The following SNX10 variants were observed in gnomAD, a reference collection of about 807,000 sequenced individuals.
The protein encoded by SNX10 is sorting nexin-10.
A neutral mutation model predicts 28.5 loss-of-function variants in SNX10; 25 were observed. The ratio of observed to expected loss-of-function variants is 0.88; its 90% confidence interval spans 0.64 to 1.22. The LOEUF (loss-of-function observed/expected upper bound fraction) is 1.22, where lower values mean the gene tolerates loss of function less well. Among genes scored for constraint, SNX10 ranks in the 50% most tolerant of loss-of-function variants. SNX10 has a pLI of 0.00. For missense variants in SNX10, 223 were observed against 242.6 expected, an observed-to-expected ratio of 0.92 and a Z score of 0.54; for synonymous variants, 62 against 81.4, an observed-to-expected ratio of 0.76 and a Z score of 1.28.
intron 1 of SNX10, among the ~76,000 whole-genome samples, chr7:26,310,423 TC>T (rs1379498436): frequency 2.0e-5 from 3 of 152,100 alleles, no homozygotes; most frequent in African/African-American, 7.2e-5. Flanking sequence ...CATATAATCC[TC>T]AAGAAAATAG....
intron 1 of SNX10, among the ~76,000 whole-genome samples, chr7:26,317,731 C>T (rs13227727): frequency 0.053 from 7,826 of 147,086 alleles, 275 homozygotes; most frequent in East Asian, 0.21. Flanking sequence ...GGCACGATCT[C>T]GGCTCACTGG....
chr7:26,363,716 G>A (rs1789177110), intron 3 of SNX10, among the ~76,000 whole-genome samples: 1 of 152,160 alleles, frequency 6.6e-6, no homozygotes, highest in Non-Finnish European at 1.5e-5. Context: ...GACACCATCG[G>A]TGGCTTTTTC....
At chr7:26,343,789 G>T (rs574816649) in intron 1 of SNX10, among the ~76,000 whole-genome samples, 2 of 152,122 alleles carry the variant, frequency 1.3e-5, no homozygotes, top group Non-Finnish European at 2.9e-5. Context: ...GACTTGAGCC[G>T]CTCCTCCTCC....
intron 1 of SNX10, among the ~76,000 whole-genome samples, chr7:26,302,461 A>G (rs1467712167): frequency 7.2e-6 from 1 of 139,086 alleles, no homozygotes; most frequent in Non-Finnish European, 1.6e-5. Context: ...CTGTGTTTCC[A>G]TTCACATGGT....
At position 26,364,319 on chromosome 7, in the gene SNX10, G is replaced by A. The variant is rs1045880108; in HGVS notation, c.112-216G>A. On this transcript the variant is annotated intron_variant, in intron 3 of 6. Transcript: ENST00000338523. This position sits in a 1 kb window ranked among gnomAD's most constrained non-coding sequence, Gnocchi z 4.9. ...GTGGCCAGGTCATACCTCACCCTGG[G>A]GCAACACTGCTTATTTCCATCATCC... The A allele has an allele frequency of 3.9e-6, 5 of 1,269,138 alleles. No homozygotes were observed. The highest frequency in any genetic ancestry group is 3.1e-5 in the East Asian group (1 of 32,166). 78.6% of individuals were successfully genotyped at this position (1,269,138 alleles called of 1,614,324 possible).
At chr7:26,298,176 G>A (rs774985694) in intron 1 of SNX10, among the ~76,000 whole-genome samples, 7 of 151,796 alleles carry the variant, frequency 4.6e-5, no homozygotes, top group East Asian at 1.9e-4. Context: ...AGCCGAGATC[G>A]TGCCATTGCA....
At chr7:26,359,650 T>C (rs753888345) in intron 2 of SNX10, among the ~76,000 whole-genome samples, 2 of 151,796 alleles carry the variant, frequency 1.3e-5, no homozygotes, top group Non-Finnish European at 2.9e-5. Flanking sequence ...AGAGCACCTG[T>C]TAAAAAGTAT....
At chr7:26,345,929 C>T (rs193275962) in intron 1 of SNX10, among the ~76,000 whole-genome samples, 43 of 152,220 alleles carry the variant, frequency 2.8e-4, no homozygotes, top group African/African-American at 9.6e-4. Flanking sequence ...GGCTTTATCC[C>T]GCTGAGGGCC....
chr7:26,372,009 A>G lies in SNX10; in HGVS notation c.500A>G (p.Asn167Ser). 2 of 1,607,976 alleles carry G rather than the reference A, an allele frequency of 1.2e-6. No homozygotes were observed. Among genetic ancestry groups the G allele is most frequent in the Non-Finnish European group, 1.7e-6 (2 of 1,174,896 alleles). The change falls in exon 6 of 7, where the codon AAT becomes AGT. Residue 167 changes from asparagine (N) to serine (S), a missense_variant. Coordinates refer to ENST00000338523, the MANE Select transcript of SNX10 (RefSeq NM_013322.3). ...GAAGATGAAGAAGGAAAAAAAGAAA[A>G]TGATATAGATTATGATTCAGAAAGG... ...PEEDEEGKKENDIDYDSESSS... is the reference protein window; with the variant it reads ...PEEDEEGKKESDIDYDSESSS...
chr7:26,317,726 G>A (rs557076621), intron 1 of SNX10, among the ~76,000 whole-genome samples: 17 of 144,274 alleles, frequency 1.2e-4, no homozygotes, highest in Admixed American at 5.1e-4. Flanking sequence ...GCAGTGGCAC[G>A]ATCTCGGCTC....
At chr7:26,299,984 G>A (rs1584086411) in intron 1 of SNX10, among the ~76,000 whole-genome samples, 1 of 152,126 alleles carries the variant, frequency 6.6e-6, no homozygotes, top group Non-Finnish European at 1.5e-5. Flanking sequence ...GCCGAGGCGA[G>A]TGGATCTCCT....
chr7:26,335,675 C>G (rs986172634), intron 1 of SNX10, among the ~76,000 whole-genome samples: 4 of 149,512 alleles, frequency 2.7e-5, no homozygotes, highest in Non-Finnish European at 5.9e-5. Context: ...AGAGCAGATA[C>G]GGGAAAACTT....
At chr7:26,295,807 T>C (rs1406339959) in intron 1 of SNX10, among the ~76,000 whole-genome samples, 1 of 152,182 alleles carries the variant, frequency 6.6e-6, no homozygotes, top group Non-Finnish European at 1.5e-5. Context: ...TCTGATTTGG[T>C]ATGGGAATCT....
chr7:26,292,692 A>C (rs1785973177), intron 1 of SNX10, among the ~76,000 whole-genome samples: 1 of 152,130 alleles, frequency 6.6e-6, no homozygotes, highest in African/African-American at 2.4e-5. Flanking sequence ...ATCGTCACGG[A>C]ATGGGGAGCA....
chr7:26,303,493 G>C (rs530708828), intron 1 of SNX10, among the ~76,000 whole-genome samples: 2 of 152,176 alleles, frequency 1.3e-5, no homozygotes, highest in South Asian at 2.1e-4. Context: ...AGTCTTTCAG[G>C]CTCCTCCGAC....
At chr7:26,372,447 C>T (rs1227114462) in intron 6 of SNX10, 44 bp from the exon 7 acceptor site, 1 of 1,277,446 alleles carries the variant, frequency 7.8e-7, no homozygotes, top group Non-Finnish European at 1.1e-6. Flanking sequence ...GTTGTGAAAA[C>T]CAATTTCCTC....
intron 6 of SNX10, 63 bp downstream of exon 6, chr7:26,372,096 C>A: frequency 9.4e-7 from 1 of 1,059,258 alleles, no homozygotes; most frequent in Non-Finnish European, 1.4e-6. Flanking sequence ...TGCACATATG[C>A]ACGTGTATAG....
intron 3 of SNX10, among the ~76,000 whole-genome samples, chr7:26,362,244 G>A (rs144000121): frequency 1.3e-5 from 2 of 152,306 alleles, no homozygotes; most frequent in African/African-American, 4.8e-5. Context: ...GTTGCATTCT[G>A]TGTGGAAAAT....
intron 1 of SNX10, among the ~76,000 whole-genome samples, chr7:26,333,241 A>AT (rs1014011056): frequency 5.5e-5 from 8 of 144,456 alleles, no homozygotes; most frequent in African/African-American, 7.7e-5. Flanking sequence ...TGATCTCTTA[A>AT]TTTTTTCCAA....
Sources: gnomAD v4.1 joint callset for allele counts (sites outside exome capture counted in the v4.1 genomes callset) on GRCh38, gnomAD v4.1.1 for gene constraint, Gnocchi (gnomAD v3.1) non-coding constraint, MANE v1.5 for transcripts, NCBI Gene and HGNC (gene_info 2026-07-23, HGNC 2026-07-21) for gene names.